The following PAM variants were observed in gnomAD, a reference collection of about 807,000 sequenced individuals.
The protein encoded by PAM is peptidyl-glycine alpha-amidating monooxygenase.
In PAM, 72 loss-of-function variants were observed where a neutral mutation model predicts 122.1. The observed-to-expected ratio is 0.59, with a 90% confidence interval of 0.49 to 0.72. The LOEUF is 0.72. Among genes scored for constraint, PAM ranks in the 30% least tolerant of loss-of-function variants. The probability of loss-of-function intolerance (pLI) is 0.00; values close to 1 mark genes in which losing one functional copy is unlikely to be tolerated. For synonymous variants in PAM, 389 were observed against 404.4 expected (o/e 0.96, Z 0.46); for missense variants, 1,106 against 1,183.7 (o/e 0.93, Z 0.96).
At position 102,986,619 on chromosome 5, in the gene PAM, GA is replaced by G. The variant is rs1771910971; in HGVS notation, c.1484-3646del. ...GAAAAATATTTCCTGCTCATGGACAGAAAAAAATCATATTGTTAAAATGACA... is the reference window on the plus strand; with the variant it reads ...GAAAAATATTTCCTGCTCATGGACAGAAAAAATCATATTGTTAAAATGACA... On this transcript the variant is annotated intron_variant, in intron 15 of 25. Coordinates refer to ENST00000438793, the MANE Select transcript of PAM (RefSeq NM_001177306.2). Among the ~76,000 whole-genome samples the G allele has an allele frequency of 2.0e-5, 3 of 152,216 alleles. No homozygotes were observed. The South Asian group carries it at 6.2e-4, about 32-fold the overall frequency.
intron 1 of PAM, among the ~76,000 whole-genome samples, chr5:102,758,288 G>T (rs1751232989): frequency 6.6e-6 from 1 of 151,766 alleles, no homozygotes. Context: ...TGGGCTTTGA[G>T]GCTTTGATTG....
At chr5:102,793,717 T>G (rs1580190119) in intron 1 of PAM, among the ~76,000 whole-genome samples, 1 of 152,328 alleles carries the variant, frequency 6.6e-6, no homozygotes, top group Middle Eastern at 3.4e-3. Context: ...CAGGAACAGA[T>G]TTTAAAACAC....
In PAM at chr5:103,028,917, A is replaced by G; in HGVS notation, c.2774A>G (p.Asn925Ser). ...GKGSGGLNLGNFFASRKGYSR... is the reference protein window; with the variant it reads ...GKGSGGLNLGSFFASRKGYSR... Reference sequence around the variant, plus strand: ...GGAAGTGGAGGCTTAAACCTTGGTAATTTCTTTGCAAGCCGTAAGGGCTAC... The same window carrying G: ...GGAAGTGGAGGCTTAAACCTTGGTAGTTTCTTTGCAAGCCGTAAGGGCTAC... Residue 925 changes from asparagine (N) to serine (S), a missense_variant, in exon 26 of 26, where the codon AAT (asparagine) becomes AGT (serine). Around this residue, in one of 3 missense-constraint regions of PAM, gnomAD observed 333 missense variants for 335.6 expected, o/e 0.99. Coordinates refer to ENST00000438793, the MANE Select transcript of PAM (RefSeq NM_001177306.2). 6.2e-7 allele frequency: 1 copy of G among 1,611,284 alleles called. No homozygotes were observed. Among genetic ancestry groups the G allele is most frequent in the Non-Finnish European group, 8.5e-7 (1 of 1,179,050 alleles).
intron 7 of PAM, among the ~76,000 whole-genome samples, chr5:102,934,410 A>G (rs1752591326): frequency 6.6e-6 from 1 of 152,248 alleles, no homozygotes; most frequent in Non-Finnish European, 1.5e-5. Context: ...CTCCAGAGAC[A>G]GCAGCCCTGC....
intron 1 of PAM, among the ~76,000 whole-genome samples, chr5:102,762,771 A>C (rs1752739848): frequency 6.6e-6 from 1 of 152,196 alleles, no homozygotes; most frequent in Admixed American, 6.5e-5. Flanking sequence ...GCACATGAGT[A>C]ACTTTAATCA....
intron 14 of PAM, among the ~76,000 whole-genome samples, chr5:102,970,175 A>G (rs972503691): frequency 6.6e-6 from 1 of 152,212 alleles, no homozygotes; most frequent in African/African-American, 2.4e-5. Context: ...GGGAGGGAAA[A>G]GGATGTAAGG....
In PAM at chr5:102,789,965, A is replaced by T. The variant is rs1376254834; in HGVS notation, c.-374+34617A>T. On this transcript the variant is annotated intron_variant, in intron 1 of 25. Transcript: ENST00000438793. ...AGTTATCATTAGACTAAATTTGGGA[A>T]AAATACAATTTTCTTATCTTGTATG... 2.6e-5 allele frequency among the ~76,000 whole-genome samples: 4 copies of T among 152,250 alleles called. No individual in the cohort carries two copies. In the East Asian group the frequency reaches 7.7e-4, roughly 29 times the overall value.
At chr5:102,864,185 T>TATATATA (rs34828967) in intron 1 of PAM, among the ~76,000 whole-genome samples, 4 of 115,074 alleles carry the variant, frequency 3.5e-5, no homozygotes, top group African/African-American at 1.2e-4. Flanking sequence ...TATATATATA[T>TATATATA]TTTTTTTTTT....
intron 3 of PAM, among the ~76,000 whole-genome samples, chr5:102,884,996 A>G (rs537643349): frequency 6.6e-6 from 1 of 151,932 alleles, no homozygotes; most frequent in South Asian, 2.1e-4. Flanking sequence ...CAAAGGGCAA[A>G]TGATGTTTCT....
At chr5:102,892,391 G>A (rs988414896) in intron 3 of PAM, among the ~76,000 whole-genome samples, 2 of 151,814 alleles carry the variant, frequency 1.3e-5, no homozygotes, top group Non-Finnish European at 2.9e-5. Flanking sequence ...TTATGTGAGA[G>A]ACTACATCTC....
In PAM at chr5:102,927,802, G is replaced by A. The variant is rs184747162; in HGVS notation, c.526+1134G>A. 1.9e-3 allele frequency among the ~76,000 whole-genome samples: 280 copies of A among 149,702 alleles called. 1 individual carries two copies. The highest frequency in any genetic ancestry group is 1.1e-3 in the Non-Finnish European group (75 of 67,548). On this transcript the variant is annotated intron_variant, in intron 7 of 25. Coordinates refer to ENST00000438793, the MANE Select transcript of PAM (RefSeq NM_001177306.2). ...AATTAATATATATATAAATGGACCAGCCTATGAACCTAACTTAGAAATAAA... is the reference window on the plus strand; with the variant it reads ...AATTAATATATATATAAATGGACCAACCTATGAACCTAACTTAGAAATAAA...
intron 18 of PAM, among the ~76,000 whole-genome samples, chr5:103,006,536 C>A (rs1269355724): frequency 6.6e-6 from 1 of 152,142 alleles, no homozygotes; most frequent in African/African-American, 2.4e-5. Flanking sequence ...AACTGGGTAT[C>A]CATGTACTAG....
intron 1 of PAM, among the ~76,000 whole-genome samples, chr5:102,829,677 A>C (rs938769407): frequency 4.6e-5 from 7 of 152,198 alleles, no homozygotes; most frequent in Non-Finnish European, 8.8e-5. Flanking sequence ...CCTGGCCGCA[A>C]ATGGGAGTTT....
intron 12 of PAM, among the ~76,000 whole-genome samples, chr5:102,958,126 T>C (rs1332570635): frequency 1.3e-5 from 2 of 152,172 alleles, no homozygotes; most frequent in Admixed American, 6.5e-5. Flanking sequence ...ACATATGCTG[T>C]TGTGGGTGGG....
At chr5:102,758,387 GT>G (rs1229068037) in intron 1 of PAM, among the ~76,000 whole-genome samples, 3 of 152,006 alleles carry the variant, frequency 2.0e-5, no homozygotes, top group Non-Finnish European at 4.4e-5. Flanking sequence ...CCATACCTTT[GT>G]TTTTCTATTT....
chr5:102,986,888 C>G (rs1384618009), intron 15 of PAM, among the ~76,000 whole-genome samples: 2 of 152,190 alleles, frequency 1.3e-5, no homozygotes, highest in Non-Finnish European at 2.9e-5. Context: ...ACATGCCTTT[C>G]ACCTTCCACC....
intron 1 of PAM, among the ~76,000 whole-genome samples, chr5:102,778,163 C>T (rs1328730674): frequency 6.6e-6 from 1 of 152,158 alleles, no homozygotes; most frequent in Admixed American, 6.5e-5. Flanking sequence ...TTTCTCCTCT[C>T]ACCTCCCCAC....
chr5:102,787,145 A>T (rs906848818), intron 1 of PAM, among the ~76,000 whole-genome samples: 1 of 152,096 alleles, frequency 6.6e-6, no homozygotes, highest in African/African-American at 2.4e-5. Flanking sequence ...CATCCTTAGC[A>T]TTTTATTTAT....
At chr5:102,937,792 C>T (rs753990740) in intron 7 of PAM, among the ~76,000 whole-genome samples, 10 of 152,226 alleles carry the variant, frequency 6.6e-5, no homozygotes, top group Non-Finnish European at 1.2e-4. Context: ...GTGTATGTAA[C>T]AAAGTTCATG....
Sources: gnomAD v4.1 joint callset for allele counts (sites outside exome capture counted in the v4.1 genomes callset) on GRCh38, gnomAD v4.1.1 for gene constraint, gnomAD v4.1.1 regional missense constraint, MANE v1.5 for transcripts, NCBI Gene and HGNC (gene_info 2026-07-23, HGNC 2026-07-21) for gene names.